The following INPP5A variants were observed in gnomAD, a reference collection of about 807,000 sequenced individuals.
INPP5A encodes inositol polyphosphate-5-phosphatase A, also known as 43 kDa inositol polyphosphate 5-phophatase.
INPP5A carries 14 observed loss-of-function variants against 65.2 expected under a neutral mutation model. The observed-to-expected ratio is 0.21, with a 90% confidence interval of 0.14 to 0.34. The LOEUF is 0.34. Among genes scored for constraint, INPP5A ranks in the 10% least tolerant of loss-of-function variants. INPP5A has a pLI of 1.00. For missense variants in INPP5A, 431 were observed against 545.6 expected (o/e 0.79, Z 2.09); for synonymous variants, 207 against 208.3 (o/e 0.99, Z 0.05).
chr10:132,632,242 A>G (rs1483766477), intron 2 of INPP5A, among the ~76,000 whole-genome samples: 2 of 152,246 alleles, frequency 1.3e-5, no homozygotes, highest in African/African-American at 4.8e-5. Context: ...TGCAGGCTGC[A>G]GAGGCTCCCA....
In INPP5A at chr10:132,548,385, C is replaced by T. The variant is rs57835447; in HGVS notation, c.75+10214C>T. Among the ~76,000 whole-genome samples the T allele has an allele frequency of 3.2e-4, 49 of 152,256 alleles. No individual in the cohort carries two copies. The East Asian group carries it at 8.7e-3, about 27-fold the overall frequency. On this transcript the variant is annotated intron_variant, in intron 1 of 15. Coordinates refer to ENST00000368594, the MANE Select transcript of INPP5A (RefSeq NM_005539.5). ...AAGGCCAGGCCAGGCCTCTGCTGCC[C>T]GTTGCCGGTGGCCCGGGAGTCGACT...
In INPP5A at chr10:132,727,281, C is replaced by T. The variant is rs972600422; in HGVS notation, c.732+376C>T. 25 of 179,764 alleles carry T rather than the reference C, an allele frequency of 1.4e-4. No individual in the cohort carries two copies. Among genetic ancestry groups the T allele is most frequent in the East Asian group, 4.4e-4 (3 of 6,874 alleles). 11.1% of individuals were successfully genotyped at this position (179,764 alleles called of 1,614,324 possible). ...TTCACACTGTCCAACTTGATCTCAGCGATTTTTTGTCATAACACGTAGAAA... is the reference window on the plus strand; with the variant it reads ...TTCACACTGTCCAACTTGATCTCAGTGATTTTTTGTCATAACACGTAGAAA... On this transcript the variant is annotated intron_variant, in intron 9 of 15. Transcript: ENST00000368594. The surrounding 1 kb of genome is among the most constrained non-coding windows in gnomAD (Gnocchi z 6.5).
At position 132,627,627 on chromosome 10, in the gene INPP5A, C is replaced by A. The variant is rs1283576378; in HGVS notation, c.118-18241C>A. ...GAGGGAGTGAGAGCCGAAAAAGACA[C>A]CTTCCAGGAATCGTGGTGAAAGCAG... is the stretch of plus-strand genomic sequence containing the variant. On this transcript the variant is annotated intron_variant, in intron 2 of 15. Transcript: ENST00000368594. This position sits in a 1 kb window ranked among gnomAD's most constrained non-coding sequence, Gnocchi z 6.6. 6.6e-6 allele frequency among the ~76,000 whole-genome samples: 1 copy of A among 152,200 alleles called. No homozygotes were observed. The highest frequency in any genetic ancestry group is 2.4e-5 in the African/African-American group (1 of 41,454).
At chr10:132,614,564 C>A (rs1028427251) in intron 2 of INPP5A, among the ~76,000 whole-genome samples, 5 of 152,224 alleles carry the variant, frequency 3.3e-5, no homozygotes, top group African/African-American at 1.2e-4. Flanking sequence ...CGTCCTCTCT[C>A]CTGAGAATCA....
At chr10:132,608,094 G>A (rs997758899) in intron 2 of INPP5A, 138 bp downstream of exon 2, 38 of 746,634 alleles carry the variant, frequency 5.1e-5, no homozygotes, top group African/African-American at 2.8e-4. Flanking sequence ...TCTCGGCTCC[G>A]CTGCCTGTGC....
chr10:132,728,461 G>A (rs1449927677), intron 9 of INPP5A, among the ~76,000 whole-genome samples: 1 of 152,218 alleles, frequency 6.6e-6, no homozygotes, highest in Non-Finnish European at 1.5e-5. Context: ...AGGCCTGGGG[G>A]CCACAGAGGC....
chr10:132,624,445 G>A (rs1016003937), intron 2 of INPP5A, among the ~76,000 whole-genome samples: 2 of 150,704 alleles, frequency 1.3e-5, no homozygotes, highest in African/African-American at 2.5e-5. Flanking sequence ...ACACCGGCAC[G>A]TGCACTTCCC....
chr10:132,673,643 A>G (rs2072923828), intron 4 of INPP5A, among the ~76,000 whole-genome samples: 1 of 152,366 alleles, frequency 6.6e-6, no homozygotes, highest in Middle Eastern at 3.4e-3. Context: ...TGCCTTGGTC[A>G]GAGGCAATGC....
At chr10:132,561,873 G>T (rs558727831) in intron 1 of INPP5A, among the ~76,000 whole-genome samples, 1 of 152,146 alleles carries the variant, frequency 6.6e-6, no homozygotes, top group Non-Finnish European at 1.5e-5. Context: ...CTTAATAGGG[G>T]TTGGTCCTGG....
At chr10:132,700,818 G>A (rs961898396) in intron 6 of INPP5A, among the ~76,000 whole-genome samples, 1 of 152,218 alleles carries the variant, frequency 6.6e-6, no homozygotes. Context: ...AATTACAGCC[G>A]CAGCAGAAAC....
intron 1 of INPP5A, among the ~76,000 whole-genome samples, chr10:132,572,753 A>G (rs1233042935): frequency 1.3e-5 from 2 of 152,012 alleles, no homozygotes; most frequent in Non-Finnish European, 2.9e-5. Context: ...AGTTTGTGCC[A>G]CTTAACCTGG....
At chr10:132,613,117 A>T (rs1319354079) in intron 2 of INPP5A, among the ~76,000 whole-genome samples, 1 of 151,794 alleles carries the variant, frequency 6.6e-6, no homozygotes, top group Non-Finnish European at 1.5e-5. Context: ...TTTCCCTTTT[A>T]CCTTTTTTTC....
At chr10:132,558,859 C>CAGCT (rs1379258170) in intron 1 of INPP5A, among the ~76,000 whole-genome samples, 11 of 152,248 alleles carry the variant, frequency 7.2e-5, no homozygotes, top group Non-Finnish European at 1.3e-4. Flanking sequence ...AACCCTCAGG[C>CAGCT]AGCTGTGCGC....
At position 132,627,553 on chromosome 10, in the gene INPP5A, T is replaced by C. The variant is rs1358526410; in HGVS notation, c.118-18315T>C. ...GTGCCTGGTCTGTCCCGACTCCCTCTGTGTCCCCAGCTGCCAGCAACGTGC... is the reference window on the plus strand; with the variant it reads ...GTGCCTGGTCTGTCCCGACTCCCTCCGTGTCCCCAGCTGCCAGCAACGTGC... On this transcript the variant is annotated intron_variant, in intron 2 of 15. Transcript: ENST00000368594. This position sits in a 1 kb window ranked among gnomAD's most constrained non-coding sequence, Gnocchi z 6.6. Among the ~76,000 whole-genome samples the C allele has an allele frequency of 2.6e-5, 4 of 152,178 alleles. No individual in the cohort carries two copies. Among genetic ancestry groups the C allele is most frequent in the African/African-American group, 7.2e-5 (3 of 41,444 alleles).
chr10:132,728,052 C>T (rs1846016407), intron 9 of INPP5A, among the ~76,000 whole-genome samples: 1 of 152,184 alleles, frequency 6.6e-6, no homozygotes. Flanking sequence ...AATGAGTGCC[C>T]CTAAAACCCT....
intron 13 of INPP5A, among the ~76,000 whole-genome samples, chr10:132,779,754 G>A (rs1247841229): frequency 6.6e-6 from 1 of 152,240 alleles, no homozygotes; most frequent in Non-Finnish European, 1.5e-5. Context: ...GCGCTCCGCA[G>A]CCTCATCCAT....
rs994346702 is a variant in INPP5A at position 132,637,075 on chromosome 10, G to A, written c.118-8793G>A. Among the ~76,000 whole-genome samples, 4 of 152,100 alleles carry A rather than the reference G, an allele frequency of 2.6e-5. No homozygotes were observed. The highest frequency in any genetic ancestry group is 9.7e-5 in the African/African-American group (4 of 41,400). On this transcript the variant is annotated intron_variant, in intron 2 of 15. Transcript: ENST00000368594. This position sits in a 1 kb window ranked among gnomAD's most constrained non-coding sequence, Gnocchi z 4.1. ...TAGGACTACAAGCGTGCGCCACCAG[G>A]CCCAGCTAATTTTTGCATTTTTAGT...
intron 8 of INPP5A, among the ~76,000 whole-genome samples, chr10:132,720,437 G>A (rs371975428): frequency 7.5e-4 from 93 of 124,014 alleles, no homozygotes; most frequent in African/African-American, 2.0e-3. Context: ...CTGTCTGGGC[G>A]CCTTAGACGG....
chr10:132,607,352 T>C (rs1285040077), intron 1 of INPP5A, among the ~76,000 whole-genome samples: 6 of 152,236 alleles, frequency 3.9e-5, no homozygotes, highest in African/African-American at 1.4e-4. Flanking sequence ...GGTTTTCTGT[T>C]GATGGCTCTA....
Sources: allele counts gnomAD v4.1 joint callset (sites outside exome capture counted in the v4.1 genomes callset), GRCh38; gene constraint gnomAD v4.1.1; non-coding constraint Gnocchi (gnomAD v3.1); transcripts MANE v1.5; gene names NCBI Gene and HGNC (gene_info 2026-07-23, HGNC 2026-07-21).